The following DLG2 variants were observed in gnomAD, a reference collection of about 807,000 sequenced individuals.
DLG2 encodes the protein disks large homolog 2.
DLG2 carries 45 observed loss-of-function variants against 132.5 expected under a neutral mutation model. The ratio of observed to expected loss-of-function variants is 0.34; its 90% CI spans 0.27 to 0.44. DLG2 has a LOEUF of 0.44. Among genes scored for constraint, DLG2 ranks in the 20% least tolerant of loss-of-function variants. The probability of loss-of-function intolerance (pLI) is 1.00; values close to 1 mark genes in which losing one functional copy is unlikely to be tolerated. For missense variants in DLG2, 1,045 were observed against 1,196.9 expected, an observed-to-expected ratio of 0.87 and a Z score of 1.87; for synonymous variants, 424 against 419.6, an observed-to-expected ratio of 1.01 and a Z score of -0.13.
At chr11:84,382,756 T>G (rs976427555) in intron 7 of DLG2, among the ~76,000 whole-genome samples, 1 of 152,102 alleles carries the variant, frequency 6.6e-6, no homozygotes, top group African/African-American at 2.4e-5. Context: ...AGAAGTCTAC[T>G]GGCTTTAAAT....
intron 6 of DLG2, among the ~76,000 whole-genome samples, chr11:84,659,121 T>C: frequency 6.6e-6 from 1 of 152,212 alleles, no homozygotes; most frequent in Non-Finnish European, 1.5e-5. Context: ...AAGGAACTTC[T>C]TTCTTTTTAC....
chr11:84,251,419 G>C, intron 7 of DLG2, 128 bp from the exon 8 acceptor site: 1 of 591,572 alleles, frequency 1.7e-6, no homozygotes, highest in South Asian at 2.7e-5. Context: ...ACCGTGTCAA[G>C]TGTTAGTAGG....
chr11:84,348,219 T>C (rs2098547479), intron 7 of DLG2, among the ~76,000 whole-genome samples: 2 of 152,234 alleles, frequency 1.3e-5, no homozygotes, highest in Admixed American at 1.3e-4. Context: ...AGATAAATTA[T>C]TTTCTTTTCT....
intron 6 of DLG2, among the ~76,000 whole-genome samples, chr11:84,599,716 T>C (rs1199431070): frequency 1.3e-5 from 2 of 152,084 alleles, no homozygotes; most frequent in East Asian, 3.9e-4. Flanking sequence ...TTCTATGCCT[T>C]ATGTATACAT....
intron 18 of DLG2, among the ~76,000 whole-genome samples, chr11:83,707,739 T>C (rs1281893694): frequency 6.6e-6 from 1 of 152,180 alleles, no homozygotes. Flanking sequence ...TTGAGATTGG[T>C]TGAGTGTCTG....
intron 21 of DLG2, among the ~76,000 whole-genome samples, chr11:83,515,388 TTTTA>T (rs1273084501): frequency 4.6e-5 from 7 of 152,322 alleles, no homozygotes; most frequent in Admixed American, 2.0e-4. Context: ...CTTTATCATT[TTTTA>T]TTGCGTCTAT....
intron 11 of DLG2, among the ~76,000 whole-genome samples, chr11:84,018,139 G>A (rs2095274132): frequency 6.6e-6 from 1 of 150,882 alleles, no homozygotes; most frequent in African/African-American, 2.4e-5. Context: ...CTTTTTTTCT[G>A]GTCATTATCT....
chr11:85,186,713 G>A (rs2080130452), intron 4 of DLG2, among the ~76,000 whole-genome samples: 1 of 152,078 alleles, frequency 6.6e-6, no homozygotes, highest in African/African-American at 2.4e-5. Flanking sequence ...AGAATTGCCT[G>A]CCCAGACACT....
chr11:84,990,592 T>C (rs545246293), intron 6 of DLG2, among the ~76,000 whole-genome samples: 1 of 152,078 alleles, frequency 6.6e-6, no homozygotes, highest in East Asian at 1.9e-4. Flanking sequence ...CATTTTGTTA[T>C]AGCAGCAGGA....
intron 4 of DLG2, among the ~76,000 whole-genome samples, chr11:85,179,250 G>A (rs2079532636): frequency 6.6e-6 from 1 of 151,818 alleles, no homozygotes; most frequent in Non-Finnish European, 1.5e-5. Context: ...GCAAAAGGGA[G>A]AGTGCAAGCA....
intron 3 of DLG2, among the ~76,000 whole-genome samples, chr11:85,520,686 C>G (rs995963035): frequency 4.0e-5 from 6 of 151,584 alleles, no homozygotes; most frequent in African/African-American, 1.5e-4. Context: ...TGGAACAGAA[C>G]AGAGAATCTA....
At chr11:84,587,187 A>C (rs762528497) in intron 6 of DLG2, among the ~76,000 whole-genome samples, 8 of 152,242 alleles carry the variant, frequency 5.3e-5, no homozygotes, top group Non-Finnish European at 1.0e-4. Context: ...AAGTAGCAGA[A>C]GGAACTTGAG....
intron 7 of DLG2, among the ~76,000 whole-genome samples, chr11:84,530,670 C>T (rs370944169): frequency 2.0e-5 from 3 of 152,114 alleles, no homozygotes; most frequent in Admixed American, 2.0e-4. Context: ...TTATACAGTG[C>T]TGGTAGGAAT....
At chr11:84,209,262 A>C (rs1381088651) in intron 8 of DLG2, among the ~76,000 whole-genome samples, 1 of 152,228 alleles carries the variant, frequency 6.6e-6, no homozygotes, top group African/African-American at 2.4e-5. Context: ...TAGATTAGGC[A>C]CATTTCACAG....
chr11:84,576,978 G>A (rs566501009), intron 6 of DLG2, among the ~76,000 whole-genome samples: 5 of 152,256 alleles, frequency 3.3e-5, no homozygotes, highest in Non-Finnish European at 5.9e-5. Flanking sequence ...GGAGGGACTC[G>A]GGGAGGTAAT....
chr11:84,260,774 AC>A lies in DLG2; in HGVS notation c.520-9484del, dbSNP rs557432596. 4.2e-3 allele frequency among the ~76,000 whole-genome samples: 635 copies of A among 152,286 alleles called. 6 individuals carry two copies. Among genetic ancestry groups the A allele is most frequent in the Non-Finnish European group, 5.3e-3 (360 of 68,016 alleles). ...AGAAGGAAGCAAAACTGAGATTCAAACCCAGGTGTTCTGACTCTAAGCCCTT... is the reference window on the plus strand; with the variant it reads ...AGAAGGAAGCAAAACTGAGATTCAAACCAGGTGTTCTGACTCTAAGCCCTT... On this transcript the variant is annotated intron_variant, in intron 7 of 27. Transcript: ENST00000376104.
chr11:85,245,327 G>T (rs2076080506), intron 4 of DLG2, among the ~76,000 whole-genome samples: 1 of 151,854 alleles, frequency 6.6e-6, no homozygotes, highest in South Asian at 2.1e-4. Flanking sequence ...TCTGCTTACA[G>T]CCTCCTTCAC....
intron 18 of DLG2, among the ~76,000 whole-genome samples, chr11:83,703,062 T>C (rs564320539): frequency 5.9e-5 from 9 of 152,326 alleles, no homozygotes; most frequent in East Asian, 1.9e-4. Context: ...ACAGACAAGA[T>C]TGAACTCTCA....
intron 15 of DLG2, among the ~76,000 whole-genome samples, chr11:83,905,482 C>T (rs910395018): frequency 1.3e-5 from 2 of 152,142 alleles, no homozygotes; most frequent in African/African-American, 4.8e-5. Flanking sequence ...ACTGAGGAAT[C>T]CTGTGATGGC....
Sources: allele counts gnomAD v4.1 joint callset (sites outside exome capture counted in the v4.1 genomes callset), GRCh38; gene constraint gnomAD v4.1.1; transcripts MANE v1.5; gene names NCBI Gene and HGNC (gene_info 2026-07-23, HGNC 2026-07-21).